The following MPP4 variants were observed in gnomAD, a reference collection of about 807,000 sequenced individuals.
MPP4 encodes MAGUK p55 subfamily member 4.
In MPP4, 91 loss-of-function variants were observed where a neutral mutation model predicts 98.3. The observed-to-expected ratio is 0.93, with a 90% CI of 0.78 to 1.10. MPP4 has a LOEUF of 1.10. MPP4 is among the 50% of genes least tolerant of loss of function. The pLI is 0.00. For missense variants in MPP4, 744 were observed against 792.9 expected, an observed-to-expected ratio of 0.94 and a Z score of 0.74; for synonymous variants, 261 against 271.8, an observed-to-expected ratio of 0.96 and a Z score of 0.39.
intron 21 of MPP4, among the ~76,000 whole-genome samples, chr2:201,647,157 C>T (rs1051767274): frequency 6.6e-6 from 1 of 152,110 alleles, no homozygotes; most frequent in Non-Finnish European, 1.5e-5. Flanking sequence ...GATGAGATCA[C>T]TGATTAATTT....
chr2:201,678,769 C>T (rs1431518778), intron 10 of MPP4, among the ~76,000 whole-genome samples: 1 of 152,026 alleles, frequency 6.6e-6, no homozygotes, highest in Non-Finnish European at 1.5e-5. Context: ...CCAGATTATT[C>T]TTCCTCTTCC....
chr2:201,657,788 C>A (rs888968382), intron 16 of MPP4, among the ~76,000 whole-genome samples: 1 of 151,722 alleles, frequency 6.6e-6, no homozygotes, highest in Admixed American at 6.6e-5. Flanking sequence ...TTTACTCTGC[C>A]TCTGACAATT....
intron 7 of MPP4, among the ~76,000 whole-genome samples, chr2:201,683,505 T>C (rs1394733931): frequency 6.6e-6 from 1 of 152,042 alleles, no homozygotes; most frequent in Non-Finnish European, 1.5e-5. Context: ...TCCTAGCACT[T>C]TGGGAGGCCA....
intron 21 of MPP4, among the ~76,000 whole-genome samples, chr2:201,646,403 A>G (rs188704332): frequency 2.0e-3 from 299 of 152,326 alleles, no homozygotes; most frequent in African/African-American, 6.6e-3. Context: ...CTAATGCATT[A>G]AATTCATTGC....
chr2:201,664,227 T>C, intron 13 of MPP4, 126 bp from the exon 14 acceptor site: 2 of 1,494,764 alleles, frequency 1.3e-6, no homozygotes, highest in Non-Finnish European at 1.8e-6. Flanking sequence ...AAAGTTTTTT[T>C]CCTAAATCAA....
At chr2:201,679,868 G>A (rs1688619278) in intron 10 of MPP4, among the ~76,000 whole-genome samples, 2 of 152,118 alleles carry the variant, frequency 1.3e-5, no homozygotes, top group Admixed American at 1.3e-4. Context: ...CCACTCTAAT[G>A]AGGATTTCGG....
intron 21 of MPP4, among the ~76,000 whole-genome samples, chr2:201,645,617 C>T (rs1687540593): frequency 6.6e-6 from 1 of 151,804 alleles, no homozygotes; most frequent in South Asian, 2.1e-4. Flanking sequence ...TTTTTTTGCC[C>T]TCTGTTATTG....
chr2:201,682,947 G>C lies in MPP4; in HGVS notation c.575-31C>G, dbSNP rs75378294. On this transcript the variant is annotated intron_variant, in intron 7 of 21. Transcript: ENST00000409474. ...CAGACAGTAACAAAAAACAAAGAAA[G>C]ATACAAAGAAGTAGGATAAAAATAG... The C allele has an allele frequency of 1.5e-3, 2,381 of 1,574,638 alleles. 33 individuals carry two copies. In the African/African-American group the frequency reaches 0.028, roughly 19 times the overall value.
Position 201,693,042 on chromosome 2 carries a change from G to T in MPP4, c.80-13C>A. On this transcript the variant is annotated splice_polypyrimidine_tract_variant and intron_variant, in intron 2 of 21. Transcript: ENST00000409474. ...ATCTGGGAGAGGCCTAGGAAAGGAA[G>T]AGAGCAGAGATGGGGTGGCAGGTGC... is the stretch of plus-strand genomic sequence containing the variant. 6.2e-7 allele frequency: 1 copy of T among 1,607,444 alleles called. No homozygotes were observed. Among genetic ancestry groups the T allele is most frequent in the Admixed American group, 1.7e-5 (1 of 59,234 alleles).
chr2:201,652,086 A>G lies in MPP4; in HGVS notation c.1382-1921T>C, dbSNP rs78263622. ...TACTTCAGAAAGCACAGCCTATAGC[A>G]TGCGATCATAAAGCAACTTCTTGGT... On this transcript the variant is annotated intron_variant, in intron 18 of 21. Coordinates refer to ENST00000409474, the MANE Select transcript of MPP4 (RefSeq NM_033066.3). 3,444 of 854,454 alleles carry G rather than the reference A, an allele frequency of 4.0e-3. 162 individuals are homozygous for G. The East Asian group carries it at 0.19, about 46-fold the overall frequency. The allele number at this position is 854,454 out of a possible 1,614,324, so 52.9% of individuals were successfully genotyped here.
At chr2:201,645,513 G>A (rs1687537669) in intron 21 of MPP4, 109 bp from the exon 22 acceptor site, 10 of 893,830 alleles carry the variant, frequency 1.1e-5, no homozygotes, top group Non-Finnish European at 1.6e-5. Flanking sequence ...TATAAAAACA[G>A]TAAGGTCCGA....
intron 12 of MPP4, among the ~76,000 whole-genome samples, chr2:201,667,802 C>A (rs1290269427): frequency 1.3e-5 from 2 of 151,990 alleles, no homozygotes; most frequent in African/African-American, 4.8e-5. Flanking sequence ...TTATCGCCAC[C>A]CCTTAAAAAC....
chr2:201,648,167 C>T (rs567560096), intron 20 of MPP4, among the ~76,000 whole-genome samples: 1 of 152,298 alleles, frequency 6.6e-6, no homozygotes, highest in East Asian at 1.9e-4. Context: ...GGATTATAGG[C>T]GTGTGCCACC....
At position 201,685,047 on chromosome 2, in the gene MPP4, C is replaced by G. The variant is rs756536361; in HGVS notation, c.574+17G>C. On this transcript the variant is annotated intron_variant, in intron 7 of 21. Transcript: ENST00000409474. ...CTGTTTTTCTGGTAACTCTCAATCC[C>G]AGCTGCTCCAGCTTACCACTTCTCT... The G allele has an allele frequency of 6.2e-7, 1 of 1,607,372 alleles. No individual in the cohort carries two copies. Among genetic ancestry groups the G allele is most frequent in the African/African-American group, 1.3e-5 (1 of 74,718 alleles).
At chr2:201,669,609 A>T (rs1688283437) in intron 12 of MPP4, 124 bp downstream of exon 12, 1 of 229,186 alleles carries the variant, frequency 4.4e-6, no homozygotes. Context: ...TGACTATCAC[A>T]CTACTAGGTA....
At position 201,650,168 on chromosome 2, in the gene MPP4, A is replaced by G; in HGVS notation, c.1382-3T>C. On this transcript the variant is annotated splice_polypyrimidine_tract_variant and splice_region_variant and intron_variant, in intron 18 of 21. Coordinates refer to ENST00000409474, the MANE Select transcript of MPP4 (RefSeq NM_033066.3). The stretch of plus-strand genomic sequence containing the variant: ...ACTCTTTTTAGTACGAGTAGTGTCT[A>G]TCAGAAAAAGGGAATGAAAGGTTTC... 1.9e-6 allele frequency: 3 copies of G among 1,559,816 alleles called. No homozygotes were observed. The highest frequency in any genetic ancestry group is 1.4e-5 in the African/African-American group (1 of 73,984).
rs763154493 is a variant in MPP4 at position 201,656,237 on chromosome 2, G to A, written c.1261C>T (p.Arg421Ter). ...AGGCGGTACTTGTCTGAAGGGCGTC[G>A]CTGGTACCTCACCACCTCCTCGTAA... ...APYEEVVRYQ[R>*]RPSDKYRLIV... is the part of the protein sequence containing the mutation. Residue 421 changes from arginine (R) to a stop codon, truncating the protein, a stop_gained, in exon 17 of 22, where the codon CGA becomes TGA. Coordinates refer to ENST00000409474, the MANE Select transcript of MPP4 (RefSeq NM_033066.3). LOFTEE classifies it high-confidence loss of function. 3.2e-5 allele frequency: 51 copies of A among 1,604,656 alleles called. No individual in the cohort carries two copies. Among genetic ancestry groups the A allele is most frequent in the East Asian group, 4.5e-5 (2 of 44,596 alleles).
intron 2 of MPP4, 92 bp downstream of exon 2, chr2:201,693,784 T>A (rs1689104103): frequency 1.8e-5 from 27 of 1,464,778 alleles, no homozygotes; most frequent in Middle Eastern, 1.7e-4. Context: ...GGGATCACAG[T>A]AAGTCTGTCA....
At chr2:201,690,617 A>G (rs571096553) in intron 3 of MPP4, among the ~76,000 whole-genome samples, 19 of 152,292 alleles carry the variant, frequency 1.2e-4, no homozygotes, top group African/African-American at 4.3e-4. Flanking sequence ...TTTGTAGATG[A>G]TGCATAAAGG....
Sources: allele counts gnomAD v4.1 joint callset (sites outside exome capture counted in the v4.1 genomes callset), GRCh38; gene constraint gnomAD v4.1.1; transcripts MANE v1.5; gene names NCBI Gene and HGNC (gene_info 2026-07-23, HGNC 2026-07-21).